PIP5K1B: variants seen among roughly 807,000 people sequenced by gnomAD.
PIP5K1B encodes the protein phosphatidylinositol-4-phosphate 5-kinase type 1 beta.
In PIP5K1B, 42 loss-of-function variants were observed where a neutral mutation model predicts 67.0. The ratio of observed to expected loss-of-function variants is 0.63; its 90% CI spans 0.49 to 0.81. The LOEUF (loss-of-function observed/expected upper bound fraction) is 0.81, where lower values mean the gene tolerates loss of function less well. PIP5K1B is among the 30% of genes least tolerant of loss of function. The probability of loss-of-function intolerance (pLI) is 0.00; values close to 1 mark genes in which losing one functional copy is unlikely to be tolerated. For missense variants in PIP5K1B, 459 were observed against 646.3 expected (o/e 0.71, Z 3.14); for synonymous variants, 214 against 231.4 (o/e 0.92, Z 0.68).
chr9:68,957,955 C>T (rs1357506970), intron 14 of PIP5K1B, among the ~76,000 whole-genome samples: 1 of 151,824 alleles, frequency 6.6e-6, no homozygotes, highest in Non-Finnish European at 1.5e-5. Context: ...CTCACTGCAT[C>T]CTCTGCCTCC....
intron 2 of PIP5K1B, among the ~76,000 whole-genome samples, chr9:68,755,017 A>G (rs1236003783): frequency 6.6e-6 from 1 of 152,260 alleles, no homozygotes; most frequent in African/African-American, 2.4e-5. Context: ...ATAAATAAAT[A>G]CATTTTATTG....
At chr9:68,848,676 T>G (rs1439240234) in intron 4 of PIP5K1B, among the ~76,000 whole-genome samples, 3 of 152,228 alleles carry the variant, frequency 2.0e-5, no homozygotes, top group Non-Finnish European at 1.5e-5. Context: ...AGCTATAGTT[T>G]CTGCCCTGTG....
At chr9:68,895,418 G>A (rs1825032110) in intron 8 of PIP5K1B, among the ~76,000 whole-genome samples, 1 of 152,122 alleles carries the variant, frequency 6.6e-6, no homozygotes, top group Non-Finnish European at 1.5e-5. Context: ...GCTAAGTTGG[G>A]TAGTGGAGGT....
intron 2 of PIP5K1B, among the ~76,000 whole-genome samples, chr9:68,759,994 T>C (rs955547196): frequency 1.3e-5 from 2 of 152,128 alleles, no homozygotes; most frequent in Non-Finnish European, 2.9e-5. Context: ...ACAGGGTTGG[T>C]CAGAAGCTAC....
intron 1 of PIP5K1B, among the ~76,000 whole-genome samples, chr9:68,713,747 C>T (rs1827505718): frequency 1.3e-5 from 2 of 152,126 alleles, no homozygotes; most frequent in East Asian, 1.9e-4. Flanking sequence ...AGTCACAGAG[C>T]CTGCCAAGTG....
intron 14 of PIP5K1B, among the ~76,000 whole-genome samples, chr9:68,968,209 C>T (rs1366567927): frequency 1.3e-5 from 2 of 152,106 alleles, no homozygotes; most frequent in Non-Finnish European, 2.9e-5. Context: ...AATCAAGGAT[C>T]AAACTAGCTA....
chr9:68,796,172 T>TC (rs1281405516), intron 2 of PIP5K1B, among the ~76,000 whole-genome samples: 2 of 152,234 alleles, frequency 1.3e-5, no homozygotes, highest in African/African-American at 4.8e-5. Context: ...CAGCTTTTAT[T>TC]CCCCATGTAA....
chr9:68,756,726 T>C (rs1829944879), intron 2 of PIP5K1B, among the ~76,000 whole-genome samples: 1 of 152,208 alleles, frequency 6.6e-6, no homozygotes, highest in African/African-American at 2.4e-5. Context: ...CTTAAAATAC[T>C]TGTATGCATC....
chr9:68,965,644 T>C (rs1350764203), intron 14 of PIP5K1B: 1 of 152,158 alleles, frequency 6.6e-6, no homozygotes, highest in Non-Finnish European at 1.5e-5. Context: ...CATCCAAAAA[T>C]ACAGGTATGT....
intron 2 of PIP5K1B, among the ~76,000 whole-genome samples, chr9:68,774,925 T>C (rs1830841599): frequency 1.3e-5 from 2 of 152,240 alleles, no homozygotes; most frequent in African/African-American, 4.8e-5. Flanking sequence ...GATCAACTTC[T>C]TCAACTCTGC....
intron 2 of PIP5K1B, among the ~76,000 whole-genome samples, chr9:68,785,371 G>A (rs946841680): frequency 6.6e-6 from 1 of 152,118 alleles, no homozygotes; most frequent in Non-Finnish European, 1.5e-5. Flanking sequence ...CATTTTTCAT[G>A]GCTGTTAGAG....
chr9:68,780,483 G>T (rs754866057), intron 2 of PIP5K1B: 5 of 1,614,218 alleles, frequency 3.1e-6, no homozygotes, highest in Non-Finnish European at 4.2e-6. Context: ...CGAACGGGAG[G>T]TGCAGACCGC....
chr9:68,956,785 G>A (rs1040351007), intron 14 of PIP5K1B, among the ~76,000 whole-genome samples: 2 of 152,174 alleles, frequency 1.3e-5, no homozygotes, highest in African/African-American at 2.4e-5. Flanking sequence ...AACGTGTATG[G>A]TGAGGCCCAT....
At chr9:68,936,961 G>A (rs981242814) in intron 13 of PIP5K1B, among the ~76,000 whole-genome samples, 5 of 152,122 alleles carry the variant, frequency 3.3e-5, no homozygotes, top group Non-Finnish European at 2.9e-5. Context: ...GGATGAAGCC[G>A]ACTTGATCAT....
At chr9:68,711,286 G>C (rs1272906666) in intron 1 of PIP5K1B, among the ~76,000 whole-genome samples, 1 of 152,062 alleles carries the variant, frequency 6.6e-6, no homozygotes, top group Admixed American at 6.5e-5. Context: ...TTTAAACCAT[G>C]CCCATCATTG....
chr9:69,008,777 T>C lies in PIP5K1B; in HGVS notation c.*328T>C, dbSNP rs1233355360. 3.4e-6 allele frequency: 1 copy of C among 289,934 alleles called. No homozygotes were observed. Among genetic ancestry groups the C allele is most frequent in the African/African-American group, 2.1e-5 (1 of 47,678 alleles). The allele number at this position is 289,934 out of a possible 1,614,324, so 18.0% of individuals were successfully genotyped here. ...TTTTCCTATGGACTTTTGCATTATTTCATTGTGCATGCATCCAGTGATTAT... is the reference window on the plus strand; with the variant it reads ...TTTTCCTATGGACTTTTGCATTATTCCATTGTGCATGCATCCAGTGATTAT... On this transcript the variant is annotated 3_prime_UTR_variant, in exon 16 of 16. Transcript: ENST00000265382.
intron 4 of PIP5K1B, among the ~76,000 whole-genome samples, chr9:68,853,332 A>G (rs1288362793): frequency 3.3e-5 from 5 of 152,268 alleles, no homozygotes; most frequent in Middle Eastern, 3.4e-3. Context: ...ACCCCACTCT[A>G]TGAAAGGGCC....
chr9:68,943,571 G>T (rs1248123485), intron 14 of PIP5K1B, among the ~76,000 whole-genome samples: 1 of 151,588 alleles, frequency 6.6e-6, no homozygotes, highest in Non-Finnish European at 1.5e-5. Context: ...GTCCTATGTG[G>T]CAATAAATAG....
intron 14 of PIP5K1B, among the ~76,000 whole-genome samples, chr9:68,981,264 ATT>A (rs1301443020): frequency 6.6e-6 from 1 of 152,196 alleles, no homozygotes; most frequent in Non-Finnish European, 1.5e-5. Flanking sequence ...TAGGTATGTT[ATT>A]TACAGTTACA....
Sources: gnomAD v4.1 joint callset for allele counts (sites outside exome capture counted in the v4.1 genomes callset) on GRCh38, gnomAD v4.1.1 for gene constraint, MANE v1.5 for transcripts, NCBI Gene and HGNC (gene_info 2026-07-23, HGNC 2026-07-21) for gene names.